Variants in PHACTR1 observed in about 807,000 individuals in gnomAD.
PHACTR1 encodes the protein RPEL repeat containing 1.
A neutral mutation model predicts 69.2 loss-of-function variants in PHACTR1; 16 were observed. The observed-to-expected ratio is 0.23, with a 90% CI of 0.16 to 0.35. The LOEUF (loss-of-function observed/expected upper bound fraction) is 0.35, where lower values mean the gene tolerates loss of function less well. PHACTR1 is among the 10% of genes least tolerant of loss of function. The pLI is 1.00. For missense variants in PHACTR1, 510 were observed against 734.7 expected, an observed-to-expected ratio of 0.69 and a Z score of 3.54; for synonymous variants, 312 against 284.5, an observed-to-expected ratio of 1.10 and a Z score of -0.97.
chr6:12,737,638 A>C (rs191224519), intron 3 of PHACTR1, among the ~76,000 whole-genome samples: 23 of 150,010 alleles, frequency 1.5e-4, no homozygotes, highest in Middle Eastern at 3.4e-3. Flanking sequence ...TCTGTCACTC[A>C]GGCTGGAATG....
chr6:13,227,740 T>C, intron 8 of PHACTR1, 76 bp from the exon 9 acceptor site: 1 of 1,541,290 alleles, frequency 6.5e-7, no homozygotes, highest in Non-Finnish European at 8.8e-7. Context: ...GCAACTGAGT[T>C]TTAAAATGGT....
Position 12,859,626 on chromosome 6 carries a change from A to G in PHACTR1, c.250+109836A>G, listed in dbSNP as rs1331981461. On this transcript the variant is annotated intron_variant, in intron 4 of 14. Transcript: ENST00000332995. ...GGTTTTTTAAGTAGCAGCAGCAAAC[A>G]CATCTCAAGAACCGTGTGTGCAAGG... Among the ~76,000 whole-genome samples the G allele has an allele frequency of 3.9e-5, 6 of 152,322 alleles. No homozygotes were observed. In the East Asian group the frequency reaches 1.2e-3, roughly 29 times the overall value.
chr6:13,059,479 C>T (rs1230253494), intron 5 of PHACTR1, among the ~76,000 whole-genome samples: 1 of 151,658 alleles, frequency 6.6e-6, no homozygotes, highest in African/African-American at 2.4e-5. Context: ...CACACACACA[C>T]ACACACACAC....
At chr6:12,867,253 A>T (rs765358271) in intron 4 of PHACTR1, among the ~76,000 whole-genome samples, 13 of 152,188 alleles carry the variant, frequency 8.5e-5, no homozygotes, top group Non-Finnish European at 5.9e-5. Flanking sequence ...CCTTCACAGT[A>T]GGCACCTGAC....
chr6:13,024,011 A>T (rs187092864), intron 4 of PHACTR1, among the ~76,000 whole-genome samples: 5 of 151,292 alleles, frequency 3.3e-5, no homozygotes, highest in African/African-American at 1.2e-4. Context: ...CCGGAGGCAG[A>T]GGTTGGAGTG....
chr6:13,018,869 GTTTA>G (rs58974279), intron 4 of PHACTR1, among the ~76,000 whole-genome samples: 1 of 151,866 alleles, frequency 6.6e-6, no homozygotes, highest in African/African-American at 2.4e-5. Context: ...CTATCTGTTT[GTTTA>G]TTTATTTATT....
At chr6:13,253,198 A>G (rs146865847) in intron 10 of PHACTR1, 158 of 307,680 alleles carry the variant, frequency 5.1e-4, no homozygotes, top group African/African-American at 3.0e-3. Flanking sequence ...GACATTTAAA[A>G]CACATGAGCT....
intron 4 of PHACTR1, among the ~76,000 whole-genome samples, chr6:13,043,555 GA>G (rs1370463767): frequency 6.6e-6 from 1 of 152,218 alleles, no homozygotes; most frequent in Non-Finnish European, 1.5e-5. Context: ...AGTTTTATTG[GA>G]ATACAGACAT....
intron 13 of PHACTR1, among the ~76,000 whole-genome samples, chr6:13,285,811 A>C (rs927459338): frequency 6.6e-6 from 1 of 152,124 alleles, no homozygotes; most frequent in Non-Finnish European, 1.5e-5. Flanking sequence ...ATGGAAGATG[A>C]GAGGTTGACA....
At chr6:12,888,702 A>G in intron 4 of PHACTR1, among the ~76,000 whole-genome samples, 1 of 152,180 alleles carries the variant, frequency 6.6e-6, no homozygotes, top group East Asian at 1.9e-4. Flanking sequence ...ATGACTTCAT[A>G]TTAGTCAGTT....
intron 5 of PHACTR1, among the ~76,000 whole-genome samples, chr6:13,111,807 T>C (rs1168548227): frequency 6.6e-6 from 1 of 152,126 alleles, no homozygotes; most frequent in Non-Finnish European, 1.5e-5. Flanking sequence ...ATTTAATAGT[T>C]TTTCTCTTCT....
intron 4 of PHACTR1, among the ~76,000 whole-genome samples, chr6:12,916,503 G>C (rs1469114131): frequency 6.7e-6 from 1 of 149,906 alleles, no homozygotes; most frequent in Non-Finnish European, 1.5e-5. Context: ...TTACACGTCA[G>C]GCTTTGTCAG....
intron 4 of PHACTR1, among the ~76,000 whole-genome samples, chr6:12,768,716 A>G (rs772376439): frequency 6.6e-6 from 1 of 151,780 alleles, no homozygotes; most frequent in African/African-American, 2.4e-5. Context: ...GCTGGATCCT[A>G]TGGTAGTTAT....
At chr6:12,997,425 G>C (rs1797559544) in intron 4 of PHACTR1, among the ~76,000 whole-genome samples, 1 of 148,968 alleles carries the variant, frequency 6.7e-6, no homozygotes, top group Admixed American at 6.7e-5. Flanking sequence ...AATATATGGG[G>C]GATGGGGAGG....
chr6:12,972,940 C>T (rs535169418), intron 4 of PHACTR1, among the ~76,000 whole-genome samples: 3 of 152,242 alleles, frequency 2.0e-5, no homozygotes, highest in Non-Finnish European at 2.9e-5. Context: ...CGTGAGCCAC[C>T]GCGGCTGGCC....
intron 5 of PHACTR1, among the ~76,000 whole-genome samples, chr6:13,085,013 G>T (rs151049474): frequency 6.6e-6 from 1 of 151,880 alleles, no homozygotes; most frequent in African/African-American, 2.4e-5. Context: ...AAATATGTCC[G>T]CAATTACAAT....
intron 4 of PHACTR1, among the ~76,000 whole-genome samples, chr6:13,010,968 C>T (rs1799389450): frequency 6.6e-6 from 1 of 152,230 alleles, no homozygotes; most frequent in Non-Finnish European, 1.5e-5. Context: ...GGAGGTAGTG[C>T]TGGAAGCTGC....
intron 6 of PHACTR1, among the ~76,000 whole-genome samples, chr6:13,167,554 C>A (rs1222614464): frequency 6.6e-6 from 1 of 152,190 alleles, no homozygotes; most frequent in Non-Finnish European, 1.5e-5. Context: ...GTTTCCACTG[C>A]AGTCCTACCT....
intron 4 of PHACTR1, among the ~76,000 whole-genome samples, chr6:13,031,322 G>T (rs56111070): frequency 2.6e-5 from 4 of 152,088 alleles, no homozygotes; most frequent in African/African-American, 9.7e-5. Context: ...TTAGGACTTA[G>T]CTGGAATACT....
Sources: allele counts gnomAD v4.1 joint callset (sites outside exome capture counted in the v4.1 genomes callset), GRCh38; gene constraint gnomAD v4.1.1; transcripts MANE v1.5; gene names NCBI Gene and HGNC (gene_info 2026-07-23, HGNC 2026-07-21).